AP1S3: variants seen among roughly 807,000 people sequenced by gnomAD.
AP1S3 encodes adaptor related protein complex 1 subunit sigma 3.
Under a neutral mutation model 20.9 loss-of-function variants are expected in AP1S3, and 10 were observed. The ratio of observed to expected loss-of-function variants is 0.48; its 90% CI spans 0.29 to 0.81. The LOEUF is 0.81. AP1S3 is among the 30% of genes least tolerant of loss of function. The probability of loss-of-function intolerance (pLI) is 0.08; values close to 1 mark genes in which losing one functional copy is unlikely to be tolerated. For missense variants in AP1S3, 154 were observed against 183.8 expected (o/e 0.84, Z 0.94); for synonymous variants, 41 against 61.5 (o/e 0.67, Z 1.56).
intron 1 of AP1S3, among the ~76,000 whole-genome samples, chr2:223,806,277 A>ATTTTTT (rs144953846): frequency 2.3e-4 from 26 of 111,036 alleles, no homozygotes; most frequent in South Asian, 2.8e-4. Flanking sequence ...AAACAAAGGA[A>ATTTTTT]TTTTTTTTTT....
chr2:223,764,366 C>A (rs1690429376), intron 4 of AP1S3, among the ~76,000 whole-genome samples: 1 of 152,110 alleles, frequency 6.6e-6, no homozygotes, highest in African/African-American at 2.4e-5. Flanking sequence ...CCCCTCAGAG[C>A]ATCTCATTTG....
chr2:223,761,523 C>T (rs1245861808), intron 4 of AP1S3, among the ~76,000 whole-genome samples: 1 of 152,070 alleles, frequency 6.6e-6, no homozygotes, highest in Non-Finnish European at 1.5e-5. Context: ...CTCTCGGGCT[C>T]AAGTGATCCT....
chr2:223,830,397 T>C (rs1429358455), intron 1 of AP1S3, among the ~76,000 whole-genome samples: 1 of 150,696 alleles, frequency 6.6e-6, no homozygotes, highest in Non-Finnish European at 1.5e-5. Flanking sequence ...GAGAATTGCT[T>C]GAACCTGGGA....
Position 223,758,689 on chromosome 2 carries a change from G to A in AP1S3, c.*26C>T. On this transcript the variant is annotated 3_prime_UTR_variant, in exon 5 of 5. Transcript: ENST00000396654. ...TATTTACAGCTTCATAACATGTAGT[G>A]CTGGAGTCTTCAAGTAGATTTCCAG... 6.2e-7 allele frequency: 1 copy of A among 1,605,316 alleles called. No homozygotes were observed. The highest frequency in any genetic ancestry group is 8.5e-7 in the Non-Finnish European group (1 of 1,175,996).
chr2:223,766,563 T>G (rs1465107065), intron 3 of AP1S3, among the ~76,000 whole-genome samples: 2 of 152,202 alleles, frequency 1.3e-5, no homozygotes, highest in Non-Finnish European at 2.9e-5. Context: ...CAACAGATGC[T>G]GGAGAGGATG....
Position 223,837,434 on chromosome 2 carries a change from T to TC in AP1S3, c.3+13dup. On this transcript the variant is annotated intron_variant, in intron 1 of 4. Transcript: ENST00000396654. The stretch of plus-strand genomic sequence containing the variant: ...CCCACCGCCTACCCGGGCCGGCGGT[T>TC]CCCCCGCACTCACCATCGTGGCTGG... 1 of 1,237,488 alleles carries TC rather than the reference T, an allele frequency of 8.1e-7. No individual in the cohort carries two copies. Among genetic ancestry groups the TC allele is most frequent in the South Asian group, 3.4e-5 (1 of 29,526 alleles). The allele number at this position is 1,237,488 out of a possible 1,614,324, so 76.7% of individuals were successfully genotyped here. A position where few individuals can be genotyped will look rare whatever the true frequency, so the allele number is the denominator to read the frequency against.
chr2:223,818,291 C>G (rs1691902516), intron 1 of AP1S3, among the ~76,000 whole-genome samples: 1 of 152,014 alleles, frequency 6.6e-6, no homozygotes, highest in Admixed American at 6.5e-5. Context: ...ATGGTATGCA[C>G]CTGTAGTCCC....
intron 1 of AP1S3, among the ~76,000 whole-genome samples, chr2:223,793,271 G>A (rs1691250923): frequency 1.3e-5 from 2 of 152,150 alleles, no homozygotes; most frequent in Non-Finnish European, 2.9e-5. Flanking sequence ...ACACATGCCT[G>A]TGTACATTCA....
chr2:223,819,127 A>G lies in AP1S3; in HGVS notation c.3+18321T>C, dbSNP rs74434443. ...AATAAATATGGCATTTGTTCTCTACATGGTGACTTCCATCTCCCTACATGA... is the reference window on the plus strand; with the variant it reads ...AATAAATATGGCATTTGTTCTCTACGTGGTGACTTCCATCTCCCTACATGA... On this transcript the variant is annotated intron_variant, in intron 1 of 4. Coordinates refer to ENST00000396654, the MANE Select transcript of AP1S3 (RefSeq NM_001039569.2). 7.0e-3 allele frequency among the ~76,000 whole-genome samples: 1,060 copies of G among 152,286 alleles called. 19 individuals carry two copies. The highest frequency in any genetic ancestry group is 0.025 in the African/African-American group (1,026 of 41,564).
chr2:223,779,392 C>T (rs1690869228), intron 1 of AP1S3, among the ~76,000 whole-genome samples: 1 of 151,942 alleles, frequency 6.6e-6, no homozygotes, highest in African/African-American at 2.4e-5. Context: ...TTTTTAAAGG[C>T]TCTGTTAGAA....
At chr2:223,762,530 C>A (rs1574683381) in intron 4 of AP1S3, among the ~76,000 whole-genome samples, 1 of 152,280 alleles carries the variant, frequency 6.6e-6, no homozygotes, top group Non-Finnish European at 1.5e-5. Context: ...ACCTCGGCCT[C>A]CCAAAGTGTT....
intron 1 of AP1S3, among the ~76,000 whole-genome samples, chr2:223,780,347 AGAGAGAGAGAGTGTGTGTGT>A (rs1341807852): frequency 1.2e-4 from 11 of 89,384 alleles, no homozygotes; most frequent in African/African-American, 5.4e-4. Context: ...AGAGAGAGAG[AGAGAGAGAGAGTGTGTGTGT>A]GTGTGTGTGT....
intron 1 of AP1S3, among the ~76,000 whole-genome samples, chr2:223,788,901 T>C (rs534030284): frequency 6.6e-6 from 1 of 152,154 alleles, no homozygotes; most frequent in Non-Finnish European, 1.5e-5. Flanking sequence ...AGCTTTGTCA[T>C]ACAGAAAAAC....
chr2:223,830,694 C>G (rs1353940239), intron 1 of AP1S3, among the ~76,000 whole-genome samples: 1 of 152,142 alleles, frequency 6.6e-6, no homozygotes, highest in Non-Finnish European at 1.5e-5. Context: ...CCACACCAAT[C>G]ATTTCTTACC....
chr2:223,831,625 G>A (rs1413964177), intron 1 of AP1S3, among the ~76,000 whole-genome samples: 1 of 152,168 alleles, frequency 6.6e-6, no homozygotes, highest in African/African-American at 2.4e-5. Flanking sequence ...GGAAAACTAG[G>A]TATACCAGAA....
At chr2:223,809,920 G>C (rs570308191) in intron 1 of AP1S3, among the ~76,000 whole-genome samples, 29 of 151,922 alleles carry the variant, frequency 1.9e-4, no homozygotes, top group African/African-American at 6.7e-4. Context: ...GCAGAGACAG[G>C]GTTTCACCAT....
intron 1 of AP1S3, among the ~76,000 whole-genome samples, chr2:223,821,788 C>T (rs967725343): frequency 1.3e-5 from 2 of 152,186 alleles, no homozygotes; most frequent in Non-Finnish European, 2.9e-5. Flanking sequence ...GAGCATCAGG[C>T]CAGCCTTGCT....
At chr2:223,812,731 A>C (rs1482115290) in intron 1 of AP1S3, among the ~76,000 whole-genome samples, 1 of 152,214 alleles carries the variant, frequency 6.6e-6, no homozygotes, top group African/African-American at 2.4e-5. Context: ...CAGGGATTCC[A>C]TAAAGCCTGG....
chr2:223,816,537 C>T (rs1307538279), intron 1 of AP1S3, among the ~76,000 whole-genome samples: 4 of 152,142 alleles, frequency 2.6e-5, no homozygotes, highest in African/African-American at 9.7e-5. Context: ...CACAGGAGAC[C>T]GTGGATAGGG....
Sources: gnomAD v4.1 joint callset for allele counts (sites outside exome capture counted in the v4.1 genomes callset) on GRCh38, gnomAD v4.1.1 for gene constraint, MANE v1.5 for transcripts, NCBI Gene and HGNC (gene_info 2026-07-23, HGNC 2026-07-21) for gene names.